NAA25: variants seen among roughly 807,000 people sequenced by gnomAD.
NAA25 encodes N-alpha-acetyltransferase 25, NatB auxiliary subunit.
Under a neutral mutation model 132.5 loss-of-function variants are expected in NAA25, and 30 were observed. The observed-to-expected ratio is 0.23, with a 90% CI of 0.17 to 0.31. NAA25 has a LOEUF of 0.31. NAA25 is among the 10% of genes least tolerant of loss of function. The pLI, the probability that NAA25 is intolerant of heterozygous loss-of-function variation, is 1.00. For synonymous variants in NAA25, 359 were observed against 401.9 expected (o/e 0.89, Z 1.28); for missense variants, 771 against 1,150.4 (o/e 0.67, Z 4.77).
chr12:112,061,096 CAG>C, intron 12 of NAA25, 83 bp downstream of exon 12: 1 of 1,027,366 alleles, frequency 9.7e-7, no homozygotes, highest in Non-Finnish European at 1.5e-6. Context: ...CTCATTAAAA[CAG>C]GGTGCTACAG....
chr12:112,098,842 C>T (rs1476534035), intron 1 of NAA25, among the ~76,000 whole-genome samples: 1 of 152,162 alleles, frequency 6.6e-6, no homozygotes, highest in Non-Finnish European at 1.5e-5. Context: ...ACTGCAACCT[C>T]CGCCTCCAAG....
rs1266905150 is a variant in NAA25 at position 112,078,252 on chromosome 12, A to G, written c.600T>C (p.Tyr200=). The change falls in exon 7 of 24, where the codon TAT becomes TAC. Residue 200 remains tyrosine, a synonymous_variant. Coordinates refer to ENST00000261745, the MANE Select transcript of NAA25 (RefSeq NM_024953.4). ...IEAEAEVELY[Y]MILERLGKYQ... The stretch of plus-strand genomic sequence containing the variant: ...ACTTTCCCAAACGTTCCAGGATCAT[A>G]TAATAAAGTTCAACCTTACAGAAAA... 1 of 1,608,500 alleles carries G rather than the reference A, an allele frequency of 6.2e-7. No individual in the cohort carries two copies. The highest frequency in any genetic ancestry group is 1.7e-5 in the Admixed American group (1 of 59,154).
chr12:112,072,608 CAA>C (rs1300393592), intron 9 of NAA25, among the ~76,000 whole-genome samples: 7 of 86,226 alleles, frequency 8.1e-5, no homozygotes, highest in Admixed American at 1.1e-4. Context: ...GATTCCATCT[CAA>C]AAAAAAAAAA....
intron 1 of NAA25, among the ~76,000 whole-genome samples, chr12:112,094,302 A>AAGTAATATAATC (rs1359110808): frequency 6.6e-6 from 1 of 151,934 alleles, no homozygotes; most frequent in Non-Finnish European, 1.5e-5. Context: ...TCTCATCTAC[A>AAGTAATATAATC]AGTAATATAA....
At chr12:112,062,608 C>A (rs1284569147) in intron 11 of NAA25, among the ~76,000 whole-genome samples, 1 of 151,604 alleles carries the variant, frequency 6.6e-6, no homozygotes, top group African/African-American at 2.4e-5. Context: ...TGCCTGTAAT[C>A]CCAACTACTC....
chr12:112,071,829 C>CCG, intron 10 of NAA25, 66 bp downstream of exon 10: 2 of 1,125,776 alleles, frequency 1.8e-6, no homozygotes, highest in Non-Finnish European at 2.4e-6. Flanking sequence ...TAGATCTCAA[C>CCG]TAATGAATAT....
At chr12:112,040,317 A>C (rs776213202) in intron 21 of NAA25, 164 bp downstream of exon 21, 1 of 502,020 alleles carries the variant, frequency 2.0e-6, no homozygotes, top group Non-Finnish European at 3.5e-6. Flanking sequence ...TTCTTGGAAG[A>C]AATTGGTTTA....
At chr12:112,092,355 T>C (rs1593830508) in intron 2 of NAA25, among the ~76,000 whole-genome samples, 1 of 152,004 alleles carries the variant, frequency 6.6e-6, no homozygotes, top group East Asian at 1.9e-4. Context: ...TTGGGCGCAG[T>C]AGCTCATGCC....
At chr12:112,092,528 A>G (rs1394641685) in intron 2 of NAA25, among the ~76,000 whole-genome samples, 1 of 151,852 alleles carries the variant, frequency 6.6e-6, no homozygotes, top group Non-Finnish European at 1.5e-5. Flanking sequence ...GCAGGAGGCT[A>G]AAGCAGGAGA....
chr12:112,090,680 A>G, intron 3 of NAA25, 46 bp downstream of exon 3: 5 of 1,595,252 alleles, frequency 3.1e-6, no homozygotes, highest in East Asian at 2.2e-5. Context: ...GAAATATCCA[A>G]AATTTTCAGC....
chr12:112,073,475 C>T (rs754525014), intron 9 of NAA25, among the ~76,000 whole-genome samples: 1 of 152,134 alleles, frequency 6.6e-6, no homozygotes, highest in Non-Finnish European at 1.5e-5. Flanking sequence ...CTTGCTCTGT[C>T]GCCCAGGCTG....
At chr12:112,077,020 AAAC>A (rs1220328401) in intron 7 of NAA25, among the ~76,000 whole-genome samples, 1 of 152,118 alleles carries the variant, frequency 6.6e-6, no homozygotes, top group Non-Finnish European at 1.5e-5. Context: ...CAACAAAAAA[AAAC>A]AAGAAGTTTC....
chr12:112,078,173 A>G lies in NAA25; in HGVS notation c.664+15T>C. 1 of 1,551,956 alleles carries G rather than the reference A, an allele frequency of 6.4e-7. No individual in the cohort carries two copies. Among genetic ancestry groups the G allele is most frequent in the Non-Finnish European group, 8.7e-7 (1 of 1,145,046 alleles). ...AGGAAAAAAAAAAAGCTTTAAGAAAATGTTTAAAAATTACCTCCTAATTTC... is the reference window on the plus strand; with the variant it reads ...AGGAAAAAAAAAAAGCTTTAAGAAAGTGTTTAAAAATTACCTCCTAATTTC... On this transcript the variant is annotated intron_variant, in intron 7 of 23. Coordinates refer to ENST00000261745, the MANE Select transcript of NAA25 (RefSeq NM_024953.4).
chr12:112,041,423 C>T lies in NAA25; in HGVS notation c.2440+616G>A, dbSNP rs529943118. ...CAGGATGGTCTCAATCTCCTGACCT[C>T]GTGATCTGCCTGCCTCAGCCTCCCA... On this transcript the variant is annotated intron_variant, in intron 20 of 23. Coordinates refer to ENST00000261745, the MANE Select transcript of NAA25 (RefSeq NM_024953.4). 3.3e-5 allele frequency among the ~76,000 whole-genome samples: 5 copies of T among 151,994 alleles called. No homozygotes were observed. In the South Asian group the frequency reaches 8.3e-4, roughly 25 times the overall value.
rs760151772 is a variant in NAA25 at position 112,074,686 on chromosome 12, A to T, written c.855T>A (p.Ala285=). ...RLIEEAWSPP[A]EGEHSLEGEV... ...AGAAGACAACTTACTGTTCACCTTC[A>T]GCAGGAGGACTCCAGGCCTCTTCAA... is the stretch of plus-strand genomic sequence containing the variant. The change falls in exon 9 of 24, where the codon GCT becomes GCA. Residue 285 remains alanine, a synonymous_variant. Coordinates refer to ENST00000261745, the MANE Select transcript of NAA25 (RefSeq NM_024953.4). 4 of 1,606,598 alleles carry T rather than the reference A, an allele frequency of 2.5e-6. No homozygotes were observed. Among genetic ancestry groups the T allele is most frequent in the Non-Finnish European group, 3.4e-6 (4 of 1,176,502 alleles).
chr12:112,053,754 ATAGC>A, intron 14 of NAA25, 97 bp from the exon 15 acceptor site: 1 of 725,654 alleles, frequency 1.4e-6, no homozygotes, highest in East Asian at 2.8e-5. Flanking sequence ...TGGCAAAAAA[ATAGC>A]TAGGCATAAG....
intron 4 of NAA25, among the ~76,000 whole-genome samples, chr12:112,086,910 C>T (rs911475571): frequency 7.7e-5 from 1 of 12,942 alleles, no homozygotes; most frequent in Non-Finnish European, 1.2e-4. Context: ...ACTCAGGAGG[C>T]TGAGGCAGAA....
intron 1 of NAA25, among the ~76,000 whole-genome samples, chr12:112,095,219 C>T (rs1380606863): frequency 2.6e-5 from 4 of 151,766 alleles, no homozygotes; most frequent in East Asian, 2.0e-4. Flanking sequence ...GGGCGGATCA[C>T]GAGGTCAGGA....
intron 1 of NAA25, among the ~76,000 whole-genome samples, chr12:112,099,287 C>CTT (rs375795490): frequency 0.041 from 6,080 of 147,266 alleles, 280 homozygotes; most frequent in African/African-American, 0.11. Flanking sequence ...CGCACTCGGC[C>CTT]TTTTTTTTTT....
Sources: gnomAD v4.1 joint callset for allele counts (sites outside exome capture counted in the v4.1 genomes callset) on GRCh38, gnomAD v4.1.1 for gene constraint, MANE v1.5 for transcripts, NCBI Gene and HGNC (gene_info 2026-07-23, HGNC 2026-07-21) for gene names.